Variants in FAM131B observed in about 807,000 individuals in gnomAD.
The protein encoded by FAM131B is protein FAM131B.
A neutral mutation model predicts 42.0 loss-of-function variants in FAM131B; 19 were observed. That is an observed-to-expected ratio of 0.45 (90% confidence interval 0.32 to 0.66). The LOEUF (loss-of-function observed/expected upper bound fraction) is 0.66. Among genes scored for constraint, FAM131B ranks in the 30% least tolerant of loss-of-function variants. The pLI, the probability that FAM131B is intolerant of heterozygous loss-of-function variation, is 0.05. For missense variants in FAM131B, 370 were observed against 468.4 expected (o/e 0.79, Z 1.94); for synonymous variants, 183 against 177.6 (o/e 1.03, Z -0.24).
the FAM131B span, among the ~76,000 whole-genome samples, chr7:143,378,543 G>A: frequency 2.0e-5 from 3 of 148,750 alleles, no homozygotes; most frequent in East Asian, 2.0e-4. Flanking sequence ...CCCAGCAATC[G>A]TTAAGGCCAC....
At chr7:143,377,112 C>T in the FAM131B span, among the ~76,000 whole-genome samples, 1 of 152,080 alleles carries the variant, frequency 6.6e-6, no homozygotes, top group South Asian at 2.1e-4. Flanking sequence ...CGCACACCAC[C>T]AACCCGGCTT....
chr7:143,379,826 C>T, the FAM131B span: 2 of 153,724 alleles, frequency 1.3e-5, no homozygotes, highest in East Asian at 1.9e-4. Flanking sequence ...CACACTCTGA[C>T]CTCACTCTGC....
chr7:143,379,953 G>T, the FAM131B span: 2 of 605,586 alleles, frequency 3.3e-6, no homozygotes, highest in Non-Finnish European at 4.1e-6. Flanking sequence ...CATCTCTTCA[G>T]CTCGGCCTCT....
the FAM131B span, among the ~76,000 whole-genome samples, chr7:143,374,489 T>C: frequency 6.6e-6 from 1 of 152,216 alleles, no homozygotes; most frequent in Non-Finnish European, 1.5e-5. Flanking sequence ...CATTGGCCTC[T>C]CCTGTGACTC....
the FAM131B span, chr7:143,381,149 C>T: frequency 5.8e-5 from 56 of 973,216 alleles, no homozygotes; most frequent in Admixed American, 3.7e-4. Flanking sequence ...GCGGAGCCTC[C>T]GGCCTGAGGC....
the FAM131B span, among the ~76,000 whole-genome samples, chr7:143,377,084 C>T: frequency 4.6e-5 from 7 of 152,182 alleles, no homozygotes; most frequent in Admixed American, 1.3e-4. Flanking sequence ...AAGCAATTCT[C>T]GTAGCTGGGA....
At chr7:143,372,563 T>G in the FAM131B span, among the ~76,000 whole-genome samples, 1 of 152,244 alleles carries the variant, frequency 6.6e-6, no homozygotes, top group South Asian at 2.1e-4. Context: ...GTGTAACCTT[T>G]GAGCACCTGC....
upstream of FAM131B, among the ~76,000 whole-genome samples, chr7:143,366,102 ATGT>A (rs1401568202): frequency 1.3e-5 from 2 of 152,194 alleles, no homozygotes; most frequent in Non-Finnish European, 2.9e-5. Flanking sequence ...TCTATTCTGG[ATGT>A]TGTAGAAAGT....
Position 143,359,982 on chromosome 7 carries a change from C to T in FAM131B, c.138+58G>A. On this transcript the variant is annotated intron_variant, in intron 2 of 6. Transcript: ENST00000443739. The surrounding 1 kb of genome is among the most constrained non-coding windows in gnomAD (Gnocchi z 5.4). ...TCTGAAGGAGTGTTTGGGTTGTTGCCTTGGAATTGAGGAAGTGCAGGCAGC... is the reference window on the plus strand; with the variant it reads ...TCTGAAGGAGTGTTTGGGTTGTTGCTTTGGAATTGAGGAAGTGCAGGCAGC... 7.5e-7 allele frequency: 1 copy of T among 1,330,732 alleles called. No homozygotes were observed. The highest frequency in any genetic ancestry group is 2.3e-5 in the East Asian group (1 of 42,656). The allele number at this position is 1,330,732 out of a possible 1,614,324, so 82.4% of individuals were successfully genotyped here.
At chr7:143,379,944 A>C in the FAM131B span, 1 of 526,778 alleles carries the variant, frequency 1.9e-6, no homozygotes, top group Non-Finnish European at 2.4e-6. Flanking sequence ...ACCCGGGTCC[A>C]TCTCTTCAGC....
At chr7:143,377,374 A>G in the FAM131B span, among the ~76,000 whole-genome samples, 1 of 152,228 alleles carries the variant, frequency 6.6e-6, no homozygotes, top group Admixed American at 6.5e-5. Context: ...AGATATATAA[A>G]CAGACAGAAT....
chr7:143,373,417 A>T, the FAM131B span, among the ~76,000 whole-genome samples: 6 of 152,220 alleles, frequency 3.9e-5, no homozygotes, highest in Non-Finnish European at 8.8e-5. Flanking sequence ...ATGACTATAT[A>T]GGATGTGCAG....
chr7:143,375,627 C>G, the FAM131B span, among the ~76,000 whole-genome samples: 1 of 152,098 alleles, frequency 6.6e-6, no homozygotes, highest in Admixed American at 6.6e-5. Flanking sequence ...ATGAAGCCCA[C>G]CTTATTAAAG....
At chr7:143,357,813 T>C (rs980994507) in intron 5 of FAM131B, among the ~76,000 whole-genome samples, 1 of 152,204 alleles carries the variant, frequency 6.6e-6, no homozygotes, top group Non-Finnish European at 1.5e-5. Flanking sequence ...GGCTAATGTA[T>C]TGGACAGCAC....
rs1483894429 is a variant in FAM131B, at chr7:143,356,840, G to A, written c.793C>T (p.Pro265Ser). The stretch of plus-strand genomic sequence containing the variant: ...GAGTATCCTGAAGCTGGTTGGGAAG[G>A]TCCCATTTCATGCAAGCTGGGTTGT... The part of the protein sequence containing the change: ...DSQPSLHEMG[P>S]SQPASGYSAL... The change falls in exon 7 of 7, where the codon CCT (proline) becomes TCT (serine). Residue 265 changes from proline to serine, a missense_variant. By Grantham distance (74) the Pro-to-Ser change is moderately conservative. Coordinates refer to ENST00000443739, the MANE Select transcript of FAM131B (RefSeq NM_001031690.3). This position sits in a 1 kb window ranked among gnomAD's most constrained non-coding sequence, Gnocchi z 4.4. The A allele has an allele frequency of 6.2e-7, 1 of 1,614,146 alleles. No individual in the cohort carries two copies. The highest frequency in any genetic ancestry group is 1.1e-5 in the South Asian group (1 of 91,084).
intron 6 of FAM131B, 57 bp downstream of exon 6, chr7:143,357,223 G>T: frequency 1.3e-6 from 2 of 1,567,616 alleles, no homozygotes; most frequent in South Asian, 1.1e-5. Flanking sequence ...GGAGGCAGCT[G>T]AGATAGTTGG....
chr7:143,382,218 C>A, the FAM131B span: 1 of 1,597,712 alleles, frequency 6.3e-7, no homozygotes, highest in South Asian at 1.1e-5. Flanking sequence ...AGAGGGACCC[C>A]GGCCGACGTC....
the FAM131B span, among the ~76,000 whole-genome samples, chr7:143,371,773 A>G: frequency 4.3e-4 from 66 of 152,170 alleles, no homozygotes; most frequent in Non-Finnish European, 5.6e-4. Flanking sequence ...GGGGTGATCC[A>G]TACAGATGTC....
In FAM131B at chr7:143,359,824, A is replaced by G; in HGVS notation, c.139-57T>C. ...CCAGTCACTCGCAGGAATGCAAGGA[A>G]GCCCCCTTCCTCAGAGGGCCTTCCA... On this transcript the variant is annotated intron_variant, in intron 2 of 6. Coordinates refer to ENST00000443739, the MANE Select transcript of FAM131B (RefSeq NM_001031690.3). This position sits in a 1 kb window ranked among gnomAD's most constrained non-coding sequence, Gnocchi z 5.4. The G allele has an allele frequency of 4.0e-6, 6 of 1,512,868 alleles. No homozygotes were observed. Among genetic ancestry groups the G allele is most frequent in the Non-Finnish European group, 5.4e-6 (6 of 1,113,100 alleles). 93.7% of individuals were successfully genotyped at this position (1,512,868 alleles called of 1,614,324 possible).
Sources: gnomAD v4.1 joint callset for allele counts (sites outside exome capture counted in the v4.1 genomes callset) on GRCh38, gnomAD v4.1.1 for gene constraint, Gnocchi (gnomAD v3.1) non-coding constraint, MANE v1.5 for transcripts, NCBI Gene and HGNC (gene_info 2026-07-23, HGNC 2026-07-21) for gene names.